PIP4K2A: variants seen among roughly 807,000 people sequenced by gnomAD.
PIP4K2A encodes phosphatidylinositol 5-phosphate 4-kinase type-2 alpha.
PIP4K2A carries 14 observed loss-of-function variants against 42.9 expected under a neutral mutation model. The observed-to-expected ratio is 0.33, with a 90% CI of 0.22 to 0.51. PIP4K2A has a LOEUF of 0.51. Among genes scored for constraint, PIP4K2A ranks in the 20% least tolerant of loss-of-function variants. The pLI, the probability that PIP4K2A is intolerant of heterozygous loss-of-function variation, is 0.97. For missense variants in PIP4K2A, 434 were observed against 519.8 expected (o/e 0.83, Z 1.61); for synonymous variants, 192 against 192.2 (o/e 1.00, Z 0.01).
intron 1 of PIP4K2A, among the ~76,000 whole-genome samples, chr10:22,617,694 G>C (rs569797467): frequency 5.9e-5 from 9 of 152,272 alleles, no homozygotes; most frequent in African/African-American, 1.9e-4. Flanking sequence ...AGCCCCTGTT[G>C]GGTATAAAGG....
chr10:22,562,075 T>TC (rs536183354), intron 6 of PIP4K2A, among the ~76,000 whole-genome samples: 20 of 152,068 alleles, frequency 1.3e-4, no homozygotes, highest in East Asian at 5.8e-4. Flanking sequence ...GATAGCATTT[T>TC]CCCCCCCGAT....
intron 1 of PIP4K2A, among the ~76,000 whole-genome samples, chr10:22,609,979 C>A (rs1452435096): frequency 6.6e-6 from 1 of 152,168 alleles, no homozygotes; most frequent in Non-Finnish European, 1.5e-5. Flanking sequence ...CCACCTGTCC[C>A]TGCTTCTTGC....
chr10:22,633,308 A>T (rs1050475393), intron 1 of PIP4K2A, among the ~76,000 whole-genome samples: 2 of 152,236 alleles, frequency 1.3e-5, no homozygotes, highest in African/African-American at 4.8e-5. Context: ...TCAACTACTT[A>T]AAGTAGCCGG....
intron 2 of PIP4K2A, among the ~76,000 whole-genome samples, chr10:22,608,360 G>A (rs906366654): frequency 1.3e-5 from 2 of 152,186 alleles, no homozygotes; most frequent in Non-Finnish European, 2.9e-5. Flanking sequence ...AATGGCGGGA[G>A]AGTGAGTTAG....
chr10:22,554,134 C>T (rs1385604663), intron 6 of PIP4K2A, among the ~76,000 whole-genome samples: 2 of 151,880 alleles, frequency 1.3e-5, no homozygotes, highest in Non-Finnish European at 2.9e-5. Flanking sequence ...TAGTAAGACC[C>T]TACCTCAAAA....
At chr10:22,618,242 T>C (rs529349581) in intron 1 of PIP4K2A, among the ~76,000 whole-genome samples, 1 of 152,352 alleles carries the variant, frequency 6.6e-6, no homozygotes, top group African/African-American at 2.4e-5. Flanking sequence ...ATAGATACTT[T>C]CCACTTACTG....
At chr10:22,540,211 A>C (rs1836068622) in intron 8 of PIP4K2A, 137 bp from the exon 9 acceptor site, 1 of 651,874 alleles carries the variant, frequency 1.5e-6, no homozygotes, top group South Asian at 1.8e-5. Flanking sequence ...GAGTCCAGAG[A>C]CAAACTCTAC....
At chr10:22,654,528 G>A (rs1839057676) in intron 1 of PIP4K2A, among the ~76,000 whole-genome samples, 3 of 152,214 alleles carry the variant, frequency 2.0e-5, no homozygotes, top group Non-Finnish European at 4.4e-5. Context: ...AAGGGCAACA[G>A]AAGGGAAAGG....
chr10:22,618,470 TG>T (rs1199754730), intron 1 of PIP4K2A, among the ~76,000 whole-genome samples: 1 of 152,188 alleles, frequency 6.6e-6, no homozygotes, highest in Non-Finnish European at 1.5e-5. Context: ...AGTTCTGACT[TG>T]TTTTGTCCCT....
At chr10:22,580,793 A>T (rs539585212) in intron 4 of PIP4K2A, among the ~76,000 whole-genome samples, 11 of 152,196 alleles carry the variant, frequency 7.2e-5, no homozygotes, top group Non-Finnish European at 1.3e-4. Context: ...GGTCTACAAG[A>T]TGTGGCTACA....
chr10:22,708,346 T>A lies in PIP4K2A; in HGVS notation c.144+5837A>T, dbSNP rs891599071. 5.3e-5 allele frequency among the ~76,000 whole-genome samples: 8 copies of A among 152,164 alleles called. No homozygotes were observed. In the East Asian group the frequency reaches 1.5e-3, roughly 29 times the overall value. ...CCTCTGTCCTTCCCTCAAAGCCAAG[T>A]GTCCCCAGTGTCCCTGCTCCTCCGG... On this transcript the variant is annotated intron_variant, in intron 1 of 9. Transcript: ENST00000376573.
intron 1 of PIP4K2A, among the ~76,000 whole-genome samples, chr10:22,638,670 GA>G (rs1223501168): frequency 1.3e-5 from 2 of 151,840 alleles, no homozygotes; most frequent in African/African-American, 2.4e-5. Context: ...AAGGGGGAGG[GA>G]AAAAAACCCA....
At chr10:22,685,298 T>C (rs1839741605) in intron 1 of PIP4K2A, among the ~76,000 whole-genome samples, 2 of 152,180 alleles carry the variant, frequency 1.3e-5, no homozygotes, top group South Asian at 4.1e-4. Context: ...AGTCATACTA[T>C]TAATGAATCA....
chr10:22,647,558 T>C (rs1199015034), intron 1 of PIP4K2A, among the ~76,000 whole-genome samples: 2 of 152,058 alleles, frequency 1.3e-5, no homozygotes, highest in South Asian at 2.1e-4. Flanking sequence ...TGGACAACAA[T>C]AACATAGGCC....
At chr10:22,712,362 G>A (rs1206235122) in intron 1 of PIP4K2A, among the ~76,000 whole-genome samples, 3 of 151,864 alleles carry the variant, frequency 2.0e-5, no homozygotes, top group Non-Finnish European at 4.4e-5. Flanking sequence ...ACTCTTTTTC[G>A]GCAGCATATT....
chr10:22,586,157 T>C (rs1289279776), intron 4 of PIP4K2A, among the ~76,000 whole-genome samples: 1 of 152,238 alleles, frequency 6.6e-6, no homozygotes, highest in Non-Finnish European at 1.5e-5. Flanking sequence ...AAACATTATT[T>C]TCCCAACTAC....
intron 1 of PIP4K2A, among the ~76,000 whole-genome samples, chr10:22,688,272 A>T (rs78246072): frequency 1.3e-5 from 2 of 152,358 alleles, no homozygotes; most frequent in East Asian, 1.9e-4. Flanking sequence ...ACTTACGTAC[A>T]GTATCAGGAG....
chr10:22,671,932 T>C (rs562085834), intron 1 of PIP4K2A, among the ~76,000 whole-genome samples: 1 of 152,164 alleles, frequency 6.6e-6, no homozygotes, highest in East Asian at 1.9e-4. Context: ...TAACTAATAA[T>C]ATAATATTTG....
intron 3 of PIP4K2A, among the ~76,000 whole-genome samples, chr10:22,593,229 C>A (rs189462708): frequency 1.3e-5 from 2 of 152,200 alleles, no homozygotes; most frequent in African/African-American, 4.8e-5. Flanking sequence ...GTGGATCACA[C>A]GTTCTGCAAT....
Sources: gnomAD v4.1 joint callset for allele counts (sites outside exome capture counted in the v4.1 genomes callset) on GRCh38, gnomAD v4.1.1 for gene constraint, MANE v1.5 for transcripts, NCBI Gene and HGNC (gene_info 2026-07-23, HGNC 2026-07-21) for gene names.